Variants in MYO5B observed in about 807,000 individuals in gnomAD.
The protein encoded by MYO5B is unconventional myosin-Vb.
A neutral mutation model predicts 229.3 loss-of-function variants in MYO5B; 143 were observed. That is an observed-to-expected ratio of 0.62 (90% CI 0.54 to 0.72). The LOEUF (loss-of-function observed/expected upper bound fraction) is 0.72, where lower values mean the gene tolerates loss of function less well. MYO5B is among the 30% of genes least tolerant of loss of function. MYO5B has a pLI of 0.00. For missense variants in MYO5B, 2,321 were observed against 2,331.0 expected (o/e 1.00, Z 0.09); for synonymous variants, 918 against 885.2 (o/e 1.04, Z -0.66).
intron 17 of MYO5B, among the ~76,000 whole-genome samples, chr18:49,916,846 GA>G (rs1447024714): frequency 2.0e-5 from 3 of 152,210 alleles, no homozygotes; most frequent in African/African-American, 7.2e-5. Context: ...CAAACCCTCA[GA>G]GATAAAACTC....
chr18:50,163,306 G>A (rs2032797366), intron 1 of MYO5B, among the ~76,000 whole-genome samples: 1 of 152,204 alleles, frequency 6.6e-6, no homozygotes, highest in Non-Finnish European at 1.5e-5. Context: ...TGGGGAGAGA[G>A]CTCGGCTCGT....
chr18:49,863,512 C>T (rs2024356450), intron 28 of MYO5B, among the ~76,000 whole-genome samples, 185 bp from the exon 29 acceptor site: 1 of 152,206 alleles, frequency 6.6e-6, no homozygotes, highest in Admixed American at 6.5e-5. Context: ...AGACACAGAA[C>T]AACGAGGCCA....
chr18:50,190,300 T>C lies in MYO5B; in HGVS notation c.27+4467A>G, dbSNP rs116541094. Among the ~76,000 whole-genome samples, 676 of 152,350 alleles carry C rather than the reference T, an allele frequency of 4.4e-3. 6 individuals carry two copies. Among genetic ancestry groups the C allele is most frequent in the African/African-American group, 0.015 (624 of 41,584 alleles). Reference sequence around the variant, plus strand: ...AAATGGTATTCACCATGCTTGCACATGTGTGGGCTTCTTTCTGGATCTATG... The same window carrying C: ...AAATGGTATTCACCATGCTTGCACACGTGTGGGCTTCTTTCTGGATCTATG... On this transcript the variant is annotated intron_variant, in intron 1 of 39. Coordinates refer to ENST00000285039, the MANE Select transcript of MYO5B (RefSeq NM_001080467.3).
At chr18:49,851,783 A>T (rs2024203515) in intron 31 of MYO5B, among the ~76,000 whole-genome samples, 1 of 152,138 alleles carries the variant, frequency 6.6e-6, no homozygotes, top group Non-Finnish European at 1.5e-5. Flanking sequence ...ACTTGTGTAT[A>T]CACTGTCTCC....
chr18:49,922,457 G>A (rs1039181787), intron 17 of MYO5B, among the ~76,000 whole-genome samples: 1 of 152,178 alleles, frequency 6.6e-6, no homozygotes, highest in Non-Finnish European at 1.5e-5. Flanking sequence ...GCTGTGGCTT[G>A]GTTGTGGTGA....
chr18:49,839,355 C>A, intron 35 of MYO5B, 61 bp from the exon 36 acceptor site: 1 of 1,590,422 alleles, frequency 6.3e-7, no homozygotes, highest in South Asian at 1.1e-5. Flanking sequence ...GCACAACTTC[C>A]AGGGCTCTGG....
chr18:49,953,774 C>T (rs371252113), intron 13 of MYO5B, among the ~76,000 whole-genome samples: 7 of 152,144 alleles, frequency 4.6e-5, no homozygotes, highest in African/African-American at 1.4e-4. Flanking sequence ...CCCTGAAGAG[C>T]AGCTACACAG....
intron 12 of MYO5B, among the ~76,000 whole-genome samples, chr18:49,961,051 T>G (rs1477786460): frequency 2.0e-5 from 3 of 152,122 alleles, no homozygotes; most frequent in African/African-American, 7.2e-5. Context: ...CAAAAGAGAC[T>G]GGGGAAAAGG....
intron 2 of MYO5B, among the ~76,000 whole-genome samples, chr18:50,046,282 T>A (rs973833226): frequency 5.9e-5 from 9 of 152,156 alleles, no homozygotes; most frequent in Admixed American, 5.2e-4. Flanking sequence ...ATAACCTACA[T>A]CCCATCCCAA....
chr18:49,934,254 C>T (rs1437633932), intron 16 of MYO5B, among the ~76,000 whole-genome samples: 2 of 151,880 alleles, frequency 1.3e-5, no homozygotes, highest in Non-Finnish European at 2.9e-5. Context: ...CAGCAGTGAG[C>T]TCAAACTAGA....
chr18:49,987,053 A>G (rs1598933315), intron 7 of MYO5B, among the ~76,000 whole-genome samples: 1 of 152,166 alleles, frequency 6.6e-6, no homozygotes, highest in Non-Finnish European at 1.5e-5. Flanking sequence ...GAGGGAAGGC[A>G]TTTTCAGCAT....
At chr18:49,879,259 C>T in intron 23 of MYO5B, 169 bp from the exon 24 acceptor site, 1 of 761,988 alleles carries the variant, frequency 1.3e-6, no homozygotes, top group Non-Finnish European at 2.2e-6. Flanking sequence ...AGGTGAGTCT[C>T]ATTACTCTGG....
At position 49,962,337 on chromosome 18, in the gene MYO5B, C is replaced by A. The variant is rs1238420912; in HGVS notation, c.1474G>T (p.Asp492Tyr). Residue 492 changes from aspartate (D) to tyrosine (Y), a missense_variant, in exon 12 of 40, where the codon GAT becomes TAT. By Grantham distance (160) the Asp-to-Tyr change is radical. This residue lies in a region of MYO5B where 2,113 missense variants were observed against 2,044.7 expected (regional missense o/e 1.03). Coordinates refer to ENST00000285039, the MANE Select transcript of MYO5B (RefSeq NM_001080467.3). ...QIPWTLIDFY[D>Y]NQPCIDLIEA... is the part of the protein sequence containing the mutation. ...ATGAGGTCGATACAAGGTTGGTTAT[C>A]ATAAAAATCAATCAGGGTCCAAGGG... The A allele has an allele frequency of 5.6e-6, 9 of 1,614,072 alleles. No individual in the cohort carries two copies. The Admixed American group carries it at 1.5e-4, about 27-fold the overall frequency.
chr18:49,882,796 A>C (rs554811665), intron 22 of MYO5B, among the ~76,000 whole-genome samples: 33 of 152,168 alleles, frequency 2.2e-4, no homozygotes, highest in African/African-American at 7.0e-4. Context: ...ACACACTTTA[A>C]AACCACTCCA....
At chr18:49,945,403 A>G (rs1316746859) in intron 14 of MYO5B, among the ~76,000 whole-genome samples, 2 of 151,730 alleles carry the variant, frequency 1.3e-5, no homozygotes, top group African/African-American at 2.4e-5. Flanking sequence ...CCTACTTCCT[A>G]TATCTCAATC....
intron 1 of MYO5B, among the ~76,000 whole-genome samples, chr18:50,176,823 CTT>C (rs903638760): frequency 6.6e-6 from 1 of 152,166 alleles, no homozygotes; most frequent in African/African-American, 2.4e-5. Flanking sequence ...TAAGCAACTG[CTT>C]TTTTTGCTCC....
intron 1 of MYO5B, chr18:50,098,838 C>G (rs2031603253): frequency 6.5e-6 from 1 of 153,650 alleles, no homozygotes; most frequent in South Asian, 2.1e-4. Flanking sequence ...GATGATGGAA[C>G]CTCTGATCCT....
intron 2 of MYO5B, among the ~76,000 whole-genome samples, chr18:50,043,328 ATT>A (rs1218061788): frequency 1.1e-5 from 1 of 94,620 alleles, no homozygotes; most frequent in Non-Finnish European, 2.0e-5. Flanking sequence ...TAAAATATAT[ATT>A]TTATATATTT....
intron 16 of MYO5B, 32 bp downstream of exon 16, chr18:49,936,220 G>T (rs1489845685): frequency 6.5e-7 from 1 of 1,537,868 alleles, no homozygotes. Context: ...CTAAGGCTGG[G>T]CTGGACAGGC....
Sources: gnomAD v4.1 joint callset for allele counts (sites outside exome capture counted in the v4.1 genomes callset) on GRCh38, gnomAD v4.1.1 for gene constraint, gnomAD v4.1.1 regional missense constraint, MANE v1.5 for transcripts, NCBI Gene and HGNC (gene_info 2026-07-23, HGNC 2026-07-21) for gene names.